MMP16: variants seen among roughly 807,000 people sequenced by gnomAD.
MMP16 encodes matrix metalloproteinase-16.
MMP16 carries 12 observed loss-of-function variants against 67.8 expected under a neutral mutation model. The observed-to-expected ratio is 0.18, with a 90% CI of 0.11 to 0.29. The LOEUF (loss-of-function observed/expected upper bound fraction) is 0.29. MMP16 is among the 10% of genes least tolerant of loss of function. The pLI is 1.00. For synonymous variants in MMP16, 249 were observed against 255.9 expected (o/e 0.97, Z 0.26); for missense variants, 475 against 765.7 (o/e 0.62, Z 4.48).
chr8:88,065,768 A>G (rs554754982), intron 7 of MMP16, among the ~76,000 whole-genome samples: 2 of 152,242 alleles, frequency 1.3e-5, no homozygotes, highest in Admixed American at 1.3e-4. Flanking sequence ...ACCTTTCAAG[A>G]AAAAGAATTT....
intron 1 of MMP16, among the ~76,000 whole-genome samples, chr8:88,215,511 C>A (rs1215358275): frequency 1.3e-5 from 2 of 152,078 alleles, no homozygotes; most frequent in Admixed American, 6.6e-5. Context: ...GAAGCTCTAT[C>A]CACAGAGAAA....
intron 1 of MMP16, among the ~76,000 whole-genome samples, chr8:88,237,847 C>A (rs1809969497): frequency 6.6e-6 from 1 of 152,096 alleles, no homozygotes; most frequent in African/African-American, 2.4e-5. Flanking sequence ...CTATTATGAA[C>A]AATCTTACGT....
At chr8:88,203,118 T>TTC (rs1458398435) in intron 1 of MMP16, among the ~76,000 whole-genome samples, 32 of 149,818 alleles carry the variant, frequency 2.1e-4, no homozygotes, top group Non-Finnish European at 4.5e-4. Context: ...TTTTTTTTTT[T>TTC]TTTTGAGACA....
intron 1 of MMP16, among the ~76,000 whole-genome samples, chr8:88,234,593 C>A (rs1809912136): frequency 6.6e-6 from 1 of 152,164 alleles, no homozygotes; most frequent in Non-Finnish European, 1.5e-5. Context: ...TTAACTGCAG[C>A]AGATCTTTTG....
intron 1 of MMP16, among the ~76,000 whole-genome samples, chr8:88,231,522 A>G (rs999237083): frequency 7.9e-5 from 12 of 152,222 alleles, no homozygotes; most frequent in Non-Finnish European, 1.8e-4. Context: ...ATGAAAGTCC[A>G]GCAGTGGCAG....
At chr8:88,317,236 A>C (rs1021183351) in intron 1 of MMP16, among the ~76,000 whole-genome samples, 3 of 152,182 alleles carry the variant, frequency 2.0e-5, no homozygotes, top group African/African-American at 7.2e-5. Context: ...ATGCTAAGAG[A>C]AATCTTTCAT....
chr8:88,298,368 C>A (rs1811043999), intron 1 of MMP16, among the ~76,000 whole-genome samples: 1 of 152,100 alleles, frequency 6.6e-6, no homozygotes, highest in African/African-American at 2.4e-5. Context: ...ACGTGTGGAA[C>A]AAGAGATGAA....
At chr8:88,325,247 G>A (rs75369284) in intron 1 of MMP16, among the ~76,000 whole-genome samples, 2 of 152,126 alleles carry the variant, frequency 1.3e-5, no homozygotes, top group Non-Finnish European at 2.9e-5. Context: ...TGAACTTACT[G>A]AGGGATTCCA....
At chr8:88,109,355 C>T (rs947797145) in intron 6 of MMP16, among the ~76,000 whole-genome samples, 2 of 151,264 alleles carry the variant, frequency 1.3e-5, no homozygotes, top group South Asian at 4.1e-4. Context: ...ACAGCTTTCA[C>T]ACTTATTTTA....
intron 1 of MMP16, among the ~76,000 whole-genome samples, chr8:88,205,146 C>T (rs948785927): frequency 4.8e-4 from 73 of 152,140 alleles, no homozygotes; most frequent in Admixed American, 4.5e-3. Context: ...ATATTCAGCA[C>T]TATAACCTCT....
intron 1 of MMP16, among the ~76,000 whole-genome samples, chr8:88,271,486 T>TTTTA (rs943574002): frequency 1.2e-4 from 18 of 151,722 alleles, no homozygotes; most frequent in African/African-American, 4.1e-4. Context: ...TTGGATTTTA[T>TTTTA]TTTATTTATT....
rs189605268 is a variant in MMP16 at position 88,036,504 on chromosome 8, A to G, written c.*4957T>C. ...CGCTTTATTTATTACATAAAATTCT[A>G]ATTTTTAAGATATAACTGTTAAAAA... On this transcript the variant is annotated 3_prime_UTR_variant, in exon 10 of 10. Coordinates refer to ENST00000286614, the MANE Select transcript of MMP16 (RefSeq NM_005941.5). The G allele has an allele frequency of 1.3e-5, 2 of 151,978 alleles. No individual in the cohort carries two copies. The highest frequency in any genetic ancestry group is 4.8e-5 in the African/African-American group (2 of 41,524). 9.4% of individuals were successfully genotyped at this position (151,978 alleles called of 1,614,324 possible).
intron 6 of MMP16, among the ~76,000 whole-genome samples, chr8:88,084,912 G>T (rs1370403298): frequency 2.0e-5 from 3 of 151,770 alleles, no homozygotes; most frequent in Non-Finnish European, 4.4e-5. Context: ...TAGCCATTTA[G>T]ATTTGCTACT....
intron 1 of MMP16, among the ~76,000 whole-genome samples, chr8:88,242,345 G>C (rs144062259): frequency 6.6e-6 from 1 of 152,192 alleles, no homozygotes; most frequent in African/African-American, 2.4e-5. Context: ...GAAATTCTAG[G>C]AAAAATTTCT....
chr8:88,272,955 G>C (rs1810589036), intron 1 of MMP16, among the ~76,000 whole-genome samples: 1 of 149,788 alleles, frequency 6.7e-6, no homozygotes, highest in Non-Finnish European at 1.5e-5. Context: ...AAGAGAACTG[G>C]AATAGAACAC....
At position 88,039,051 on chromosome 8, in the gene MMP16, A is replaced by T. The variant is rs1808093950; in HGVS notation, c.*2410T>A. 6.6e-6 allele frequency: 1 copy of T among 152,572 alleles called. No homozygotes were observed. Among genetic ancestry groups the T allele is most frequent in the African/African-American group, 2.4e-5 (1 of 41,442 alleles). 9.5% of individuals were successfully genotyped at this position (152,572 alleles called of 1,614,324 possible). ...TAAACATGTAGTTTAACCAAAAGGC[A>T]TTCTAATTTTCATGCTACGTTGAGT... On this transcript the variant is annotated 3_prime_UTR_variant, in exon 10 of 10. Coordinates refer to ENST00000286614, the MANE Select transcript of MMP16 (RefSeq NM_005941.5). The surrounding 1 kb of genome is among the most constrained non-coding windows in gnomAD (Gnocchi z 4.5).
At chr8:88,267,087 GCTAC>G (rs1161723465) in intron 1 of MMP16, among the ~76,000 whole-genome samples, 1 of 152,102 alleles carries the variant, frequency 6.6e-6, no homozygotes, top group Non-Finnish European at 1.5e-5. Flanking sequence ...CTCACATTTT[GCTAC>G]CTGACATCTG....
rs1399698007 is a variant in MMP16 at position 88,058,151 on chromosome 8, T to C, written c.1223-1873A>G. Among the ~76,000 whole-genome samples the C allele has an allele frequency of 6.6e-6, 1 of 152,058 alleles. No homozygotes were observed. The highest frequency in any genetic ancestry group is 6.6e-5 in the Admixed American group (1 of 15,252). On this transcript the variant is annotated intron_variant, in intron 7 of 9. Transcript: ENST00000286614. The surrounding 1 kb of genome is among the most constrained non-coding windows in gnomAD (Gnocchi z 4.2). ...GGATGATCAACAAATTGAAAGAAGATCAGTAATTTGTAATAAGCAAGTATA... is the reference window on the plus strand; with the variant it reads ...GGATGATCAACAAATTGAAAGAAGACCAGTAATTTGTAATAAGCAAGTATA...
intron 3 of MMP16, among the ~76,000 whole-genome samples, chr8:88,171,977 C>A (rs989142448): frequency 1.3e-5 from 2 of 152,066 alleles, no homozygotes; most frequent in Non-Finnish European, 2.9e-5. Flanking sequence ...CAGGCACCCA[C>A]CAGTACAGCC....
Sources: gnomAD v4.1 joint callset for allele counts (sites outside exome capture counted in the v4.1 genomes callset) on GRCh38, gnomAD v4.1.1 for gene constraint, Gnocchi (gnomAD v3.1) non-coding constraint, MANE v1.5 for transcripts, NCBI Gene and HGNC (gene_info 2026-07-23, HGNC 2026-07-21) for gene names.